The following ITK variants were observed in gnomAD, a reference collection of about 807,000 sequenced individuals.
ITK encodes the protein IL2 inducible T cell kinase, also known as tyrosine-protein kinase ITK/TSK.
In ITK, 45 loss-of-function variants were observed where a neutral mutation model predicts 87.6. The ratio of observed to expected loss-of-function variants is 0.51; its 90% CI spans 0.40 to 0.66. ITK has a LOEUF of 0.66. Ranked by LOEUF, ITK falls within the 30% of genes least tolerant of loss-of-function variation. ITK has a pLI of 0.00. For synonymous variants in ITK, 303 were observed against 273.6 expected, an observed-to-expected ratio of 1.11 and a Z score of -1.06; for missense variants, 605 against 766.3, an observed-to-expected ratio of 0.79 and a Z score of 2.48.
chr5:157,217,783 A>C lies in ITK; in HGVS notation c.455-84A>C, dbSNP rs562155184. 3.2e-6 allele frequency: 4 copies of C among 1,259,010 alleles called. No individual in the cohort carries two copies. In the South Asian group the frequency reaches 4.8e-5, roughly 15 times the overall value. The allele number at this position is 1,259,010 out of a possible 1,614,324, so 78.0% of individuals were successfully genotyped here. ...TTGTTTTCCCTGGGCCCTTTTTCTC[A>C]GAAAAACCCCCTGGCTGCTCACTTC... On this transcript the variant is annotated intron_variant, in intron 4 of 16. Transcript: ENST00000422843.
At position 157,248,959 on chromosome 5, in the gene ITK, G is replaced by A; in HGVS notation, c.1743G>A (p.Arg581=). ...CCGGATTTCGGTTGTACAAGCCCCG[G>A]CTGGCCTCCACACACGTCTACCAGA... is the stretch of plus-strand genomic sequence containing the variant. ...ISTGFRLYKP[R]LASTHVYQIM... The change falls in exon 16 of 17, where the codon CGG becomes CGA. Residue 581 remains arginine, a synonymous_variant. Transcript: ENST00000422843. 1 of 1,613,946 alleles carries A rather than the reference G, an allele frequency of 6.2e-7. No individual in the cohort carries two copies. The highest frequency in any genetic ancestry group is 8.5e-7 in the Non-Finnish European group (1 of 1,179,830).
At position 157,188,735 on chromosome 5, in the gene ITK, G is replaced by A. The variant is rs76459685; in HGVS notation, c.138+7620G>A. On this transcript the variant is annotated intron_variant, in intron 1 of 16. Coordinates refer to ENST00000422843, the MANE Select transcript of ITK (RefSeq NM_005546.4). Reference sequence around the variant, plus strand: ...CCTTTCAGACTCAAGCGATCCTCTCGACTAGCTGGGACTACAGAAGTGCAT... The same window carrying A: ...CCTTTCAGACTCAAGCGATCCTCTCAACTAGCTGGGACTACAGAAGTGCAT... 6.8e-3 allele frequency among the ~76,000 whole-genome samples: 1,034 copies of A among 152,246 alleles called. 9 individuals carry two copies. Among genetic ancestry groups the A allele is most frequent in the African/African-American group, 0.021 (869 of 41,548 alleles).
chr5:157,232,795 C>T (rs1000329991), intron 8 of ITK, among the ~76,000 whole-genome samples: 2 of 152,130 alleles, frequency 1.3e-5, no homozygotes, highest in Non-Finnish European at 2.9e-5. Context: ...TTGGCATTGA[C>T]GTGGAGACAT....
In ITK at chr5:157,181,004, A is replaced by G. The variant is rs779466042; in HGVS notation, c.27A>G (p.Glu9=). MNNFILLE[E]QLIKKSQQKR... is the part of the protein sequence containing the mutation. ...TGAACAACTTTATCCTCCTGGAAGA[A>G]CAGCTCATCAAGAAATCCCAACAAA... The change falls in exon 1 of 17, where the codon GAA becomes GAG. Residue 9 remains glutamate (E), a synonymous_variant. Transcript: ENST00000422843. 7 of 1,613,928 alleles carry G rather than the reference A, an allele frequency of 4.3e-6. No individual in the cohort carries two copies. The highest frequency in any genetic ancestry group is 5.9e-6 in the Non-Finnish European group (7 of 1,179,904).
chr5:157,206,143 CAG>C (rs945174503), intron 1 of ITK, among the ~76,000 whole-genome samples: 2 of 151,766 alleles, frequency 1.3e-5, no homozygotes, highest in Non-Finnish European at 2.9e-5. Flanking sequence ...TTTGTAGAAA[CAG>C]AGTTTCACCA....
intron 11 of ITK, among the ~76,000 whole-genome samples, chr5:157,242,967 G>A (rs1449494591): frequency 6.6e-6 from 1 of 152,240 alleles, no homozygotes; most frequent in Non-Finnish European, 1.5e-5. Context: ...AAGCACTGGG[G>A]AAAGAGTGCC....
Position 157,252,732 on chromosome 5 carries a change from G to T in ITK, c.*54G>T. The T allele has an allele frequency of 7.5e-7, 1 of 1,332,976 alleles. No individual in the cohort carries two copies. Among genetic ancestry groups the T allele is most frequent in the Non-Finnish European group, 1.1e-6 (1 of 923,792 alleles). 82.6% of individuals were successfully genotyped at this position (1,332,976 alleles called of 1,614,324 possible). A position where few individuals can be genotyped will look rare whatever the true frequency, so the allele number is the denominator to read the frequency against. The stretch of plus-strand genomic sequence containing the variant: ...CAGATCCTGAATGGAGGAAGGATAT[G>T]TCCTCATTCCATAGAGCATTAGAAG... On this transcript the variant is annotated 3_prime_UTR_variant, in exon 17 of 17. Transcript: ENST00000422843.
intron 1 of ITK, among the ~76,000 whole-genome samples, chr5:157,187,501 C>A (rs1029511662): frequency 6.6e-6 from 1 of 152,098 alleles, no homozygotes; most frequent in Non-Finnish European, 1.5e-5. Context: ...TAATAGAGAC[C>A]AAGGCAAGTG....
intron 1 of ITK, among the ~76,000 whole-genome samples, chr5:157,197,253 A>T (rs879496230): frequency 1.3e-5 from 2 of 152,198 alleles, no homozygotes; most frequent in Admixed American, 1.3e-4. Context: ...GATACAGATG[A>T]GCAGGTGGCA....
chr5:157,225,161 A>C lies in ITK; in HGVS notation c.647+2147A>C, dbSNP rs542983411. On this transcript the variant is annotated intron_variant, in intron 6 of 16. Transcript: ENST00000422843. Reference sequence around the variant, plus strand: ...AGGCACGCACCACCATGCCCAGATAATTTTTGAATTTTTTGTAGAAATGGG... The same window carrying C: ...AGGCACGCACCACCATGCCCAGATACTTTTTGAATTTTTTGTAGAAATGGG... Among the ~76,000 whole-genome samples, 13 of 152,028 alleles carry C rather than the reference A, an allele frequency of 8.6e-5. No homozygotes were observed. In the East Asian group the frequency reaches 2.3e-3, roughly 27 times the overall value.
chr5:157,184,861 T>C (rs1753610426), intron 1 of ITK, among the ~76,000 whole-genome samples: 1 of 152,224 alleles, frequency 6.6e-6, no homozygotes, highest in East Asian at 1.9e-4. Flanking sequence ...TTTTGATGAC[T>C]CTTTGCCCCT....
chr5:157,246,045 G>C, intron 15 of ITK, 46 bp downstream of exon 15: 1 of 1,297,416 alleles, frequency 7.7e-7, no homozygotes, highest in Non-Finnish European at 1.1e-6. Context: ...TGGGCTTCAG[G>C]CCAGCTGTTT....
intron 15 of ITK, among the ~76,000 whole-genome samples, chr5:157,247,454 C>A (rs566177496): frequency 2.0e-5 from 3 of 152,178 alleles, no homozygotes; most frequent in Non-Finnish European, 2.9e-5. Flanking sequence ...CTGCACCAAG[C>A]AAGCAAGGGC....
At chr5:157,210,558 T>A (rs534162821) in intron 2 of ITK, among the ~76,000 whole-genome samples, 1 of 151,764 alleles carries the variant, frequency 6.6e-6, no homozygotes, top group South Asian at 2.1e-4. Context: ...TTTTTTTTTA[T>A]TATACTTTAA....
rs764733256 is a variant in ITK at position 157,222,817 on chromosome 5, C to G, written c.496-46C>G. The G allele has an allele frequency of 2.5e-6, 4 of 1,609,608 alleles. No individual in the cohort carries two copies. In the South Asian group the frequency reaches 4.4e-5, roughly 18 times the overall value. On this transcript the variant is annotated intron_variant, in intron 5 of 16. Transcript: ENST00000422843. ...ACCCCGATGAAAGGAGGCATTTTAC[C>G]TCCTTTTTTATGTCTTTGCTTGGTT...
chr5:157,241,553 T>C, intron 10 of ITK, 93 bp from the exon 11 acceptor site: 3 of 881,786 alleles, frequency 3.4e-6, no homozygotes, highest in Non-Finnish European at 5.8e-6. Context: ...CTTTTGCGTC[T>C]GATGATGATT....
At chr5:157,203,818 C>G (rs991234756) in intron 1 of ITK, among the ~76,000 whole-genome samples, 3 of 152,188 alleles carry the variant, frequency 2.0e-5, no homozygotes, top group Admixed American at 2.0e-4. Context: ...CATTAGACTA[C>G]AAAAGCAAGT....
chr5:157,211,523 G>A, intron 3 of ITK, 155 bp downstream of exon 3: 1 of 685,494 alleles, frequency 1.5e-6, no homozygotes. Context: ...CTGGGCCCAG[G>A]AAGCAATAAC....
chr5:157,245,563 A>G (rs1412647820), intron 13 of ITK, 163 bp from the exon 14 acceptor site: 10 of 689,020 alleles, frequency 1.5e-5, no homozygotes, highest in African/African-American at 3.5e-5. Flanking sequence ...GTTAACTTCC[A>G]GCGGCATTTG....
Sources: allele counts gnomAD v4.1 joint callset (sites outside exome capture counted in the v4.1 genomes callset), GRCh38; gene constraint gnomAD v4.1.1; transcripts MANE v1.5; gene names NCBI Gene and HGNC (gene_info 2026-07-23, HGNC 2026-07-21).